The following SLC12A3 variants were observed in gnomAD, a reference collection of about 807,000 sequenced individuals.
SLC12A3 encodes the protein Na-Cl cotransporter.
SLC12A3 carries 104 observed loss-of-function variants against 121.0 expected under a neutral mutation model. That is an observed-to-expected ratio of 0.86 (90% confidence interval 0.73 to 1.01). The LOEUF is 1.01. Ranked by LOEUF, SLC12A3 falls within the 50% of genes least tolerant of loss-of-function variation. The pLI is 0.00. For missense variants in SLC12A3, 1,328 were observed against 1,356.3 expected, an observed-to-expected ratio of 0.98 and a Z score of 0.33; for synonymous variants, 536 against 533.4, an observed-to-expected ratio of 1.00 and a Z score of -0.07.
At position 56,893,090 on chromosome 16, in the gene SLC12A3, C is replaced by T. The variant is rs370858773; in HGVS notation, c.2521+36C>T. 30 of 1,538,690 alleles carry T rather than the reference C, an allele frequency of 1.9e-5. No homozygotes were observed. The East Asian group carries it at 4.1e-4, about 21-fold the overall frequency. On this transcript the variant is annotated intron_variant, in intron 21 of 25. Coordinates refer to ENST00000563236, the MANE Select transcript of SLC12A3 (RefSeq NM_001126108.2). ...CCCTTGGATCAGCCCTCCTGCCCGG[C>T]GGGGGCGGGGTGGTGGTGGTCTTCC...
At chr16:56,895,107 T>C (rs762014416) in intron 22 of SLC12A3, among the ~76,000 whole-genome samples, 7 of 151,202 alleles carry the variant, frequency 4.6e-5, no homozygotes, top group Non-Finnish European at 8.8e-5. Flanking sequence ...CCAAGGCAGC[T>C]GGATCCAGGA....
chr16:56,881,077 G>C (rs536940200), intron 12 of SLC12A3, among the ~76,000 whole-genome samples: 3 of 152,116 alleles, frequency 2.0e-5, no homozygotes. Context: ...CACCAAGCAC[G>C]GGCAGTGGCC....
At chr16:56,871,911 C>T (rs1053761306) in intron 6 of SLC12A3, among the ~76,000 whole-genome samples, 1 of 152,160 alleles carries the variant, frequency 6.6e-6, no homozygotes, top group Non-Finnish European at 1.5e-5. Flanking sequence ...TTAGTATAGA[C>T]GGGGTTTCAC....
chr16:56,910,048 CCT>C (rs1186645274), intron 25 of SLC12A3, among the ~76,000 whole-genome samples: 4 of 150,540 alleles, frequency 2.7e-5, no homozygotes, highest in South Asian at 2.1e-4. Context: ...GGTCCAGACA[CCT>C]CTTTTTTTTC....
At chr16:56,898,697 A>G (rs1237659144) in intron 22 of SLC12A3, among the ~76,000 whole-genome samples, 1 of 152,180 alleles carries the variant, frequency 6.6e-6, no homozygotes, top group Admixed American at 6.5e-5. Context: ...CCTGACTGCT[A>G]CAAACCACAG....
rs1211988197 is a variant in SLC12A3 at position 56,887,798 on chromosome 16, ATTTT to A, written c.2179-110_2179-107del. On this transcript the variant is annotated intron_variant, in intron 17 of 25. Coordinates refer to ENST00000563236, the MANE Select transcript of SLC12A3 (RefSeq NM_001126108.2). ...TATATATATATATATATATATATATATTTTTTTTTTTTTTTTTTTTGAGAATCAG... is the reference window on the plus strand; with the variant it reads ...TATATATATATATATATATATATATATTTTTTTTTTTTTTTTGAGAATCAG... 74 of 68,482 alleles carry A rather than the reference ATTTT, an allele frequency of 1.1e-3. 1 individual carries two copies. The highest frequency in any genetic ancestry group is 0.01 in the Middle Eastern group (1 of 98). The allele number at this position is 68,482 out of a possible 1,614,324, so 4.2% of individuals were successfully genotyped here. A position where few individuals can be genotyped will look rare whatever the true frequency, so the allele number is the denominator to read the frequency against.
chr16:56,881,475 G>A (rs1284237092), intron 12 of SLC12A3, among the ~76,000 whole-genome samples: 1 of 152,094 alleles, frequency 6.6e-6, no homozygotes, highest in African/African-American at 2.4e-5. Flanking sequence ...TTCAGACTGA[G>A]GACCATGATC....
chr16:56,865,517 G>A lies in SLC12A3; in HGVS notation c.282G>A (p.Lys94=), dbSNP rs1246260502. The change falls in exon 1 of 26, where the codon AAG becomes AAA. Residue 94 remains lysine (K), a splice_region_variant and synonymous_variant. Transcript: ENST00000563236. Reference sequence around the variant, plus strand: ...TGGCTGACCTGCACTCCTTCCTCAAGGTAAGTGCTGTCTCAGAAGACTGGC... The same window carrying A: ...TGGCTGACCTGCACTCCTTCCTCAAAGTAAGTGCTGTCTCAGAAGACTGGC... ...PTLADLHSFL[K]QEGRHLHALA... The A allele has an allele frequency of 1.2e-6, 2 of 1,611,336 alleles. No homozygotes were observed. Among genetic ancestry groups the A allele is most frequent in the Non-Finnish European group, 8.5e-7 (1 of 1,180,030 alleles).
intron 14 of SLC12A3, among the ~76,000 whole-genome samples, chr16:56,884,847 A>G (rs1596918400): frequency 6.6e-6 from 1 of 151,510 alleles, no homozygotes. Context: ...GCTCACTGCA[A>G]CCTCCACCTC....
At chr16:56,886,250 AG>A in intron 15 of SLC12A3, 113 bp from the exon 16 acceptor site, 1 of 728,278 alleles carries the variant, frequency 1.4e-6, no homozygotes, top group East Asian at 2.7e-5. Context: ...CCAAGCATGT[AG>A]GGTCATGCTG....
chr16:56,907,598 G>C (rs1233922428), intron 25 of SLC12A3, among the ~76,000 whole-genome samples: 1 of 152,188 alleles, frequency 6.6e-6, no homozygotes, highest in African/African-American at 2.4e-5. Flanking sequence ...CTAGAGGCTG[G>C]GAAGTCCTAG....
intron 1 of SLC12A3, among the ~76,000 whole-genome samples, chr16:56,865,894 G>A (rs1164479969): frequency 2.0e-5 from 3 of 152,172 alleles, no homozygotes; most frequent in African/African-American, 7.2e-5. Context: ...AGAGTGGAGG[G>A]CTGGAAGGTG....
In SLC12A3 at chr16:56,865,314, A is replaced by G. The variant is rs1964324934; in HGVS notation, c.79A>G (p.Ser27Gly). 1 of 1,614,032 alleles carries G rather than the reference A, an allele frequency of 6.2e-7. No individual in the cohort carries two copies. The highest frequency in any genetic ancestry group is 1.1e-5 in the South Asian group (1 of 91,086). ...SGRFTISTLL[S>G]SDEPSPPAAY... ...GCGCTTCACCATCAGCACACTGCTGAGCAGTGATGAGCCCTCTCCACCAGC... is the reference window on the plus strand; with the variant it reads ...GCGCTTCACCATCAGCACACTGCTGGGCAGTGATGAGCCCTCTCCACCAGC... Residue 27 changes from serine (S) to glycine (G), a missense_variant, in exon 1 of 26, where the codon AGC becomes GGC. Ser to Gly is a moderately conservative substitution (Grantham distance 56). Coordinates refer to ENST00000563236, the MANE Select transcript of SLC12A3 (RefSeq NM_001126108.2).
chr16:56,879,753 C>A (rs898053316), intron 11 of SLC12A3, 104 bp downstream of exon 11: 48 of 829,464 alleles, frequency 5.8e-5, no homozygotes, highest in Non-Finnish European at 8.8e-5. Context: ...CTGAAGGTGT[C>A]ATTAGACTGG....
At chr16:56,887,529 T>C (rs1239710748) in intron 17 of SLC12A3, among the ~76,000 whole-genome samples, 1 of 151,556 alleles carries the variant, frequency 6.6e-6, no homozygotes, top group Admixed American at 6.6e-5. Context: ...TTCTTATGTC[T>C]CCAGATGTGC....
In SLC12A3 at chr16:56,870,219, T is replaced by C. The variant is rs778593727; in HGVS notation, c.725T>C (p.Val242Ala). The C allele has an allele frequency of 4.3e-6, 7 of 1,613,418 alleles. No individual in the cohort carries two copies. The East Asian group carries it at 1.6e-4, about 36-fold the overall frequency. Reference protein sequence around the residue: ...AMHTVGFAETVRDLLQEYGAP... With the variant: ...AMHTVGFAETARDLLQEYGAP... ...CACACGGTGGGCTTTGCAGAGACCG[T>C]GCGGGACCTGCTCCAGGTGAGGCCG... Residue 242 changes from valine (V) to alanine (A), a missense_variant, in exon 5 of 26, where the codon GTG becomes GCG. By Grantham distance (64) the Val-to-Ala change is moderately conservative. Transcript: ENST00000563236.
intron 18 of SLC12A3, among the ~76,000 whole-genome samples, chr16:56,888,357 G>T (rs1375767888): frequency 1.3e-5 from 2 of 152,162 alleles, no homozygotes. Context: ...TCTGACCTGT[G>T]AGTCATGGAC....
Position 56,898,801 on chromosome 16 carries a change from C to T in SLC12A3, c.2634-729C>T, listed in dbSNP as rs2055499525. 2.6e-5 allele frequency among the ~76,000 whole-genome samples: 4 copies of T among 152,224 alleles called. No individual in the cohort carries two copies. In the South Asian group the frequency reaches 8.3e-4, roughly 31 times the overall value. On this transcript the variant is annotated intron_variant, in intron 22 of 25. Transcript: ENST00000563236. Reference sequence around the variant, plus strand: ...AGTTTCTTGTGGGTTATCTTCGCTTCCTCAGCCGCTCTAGAATTTCCTTTA... The same window carrying T: ...AGTTTCTTGTGGGTTATCTTCGCTTTCTCAGCCGCTCTAGAATTTCCTTTA...
chr16:56,903,745 C>T (rs766644298), intron 24 of SLC12A3, among the ~76,000 whole-genome samples: 1 of 144,826 alleles, frequency 6.9e-6, no homozygotes, highest in South Asian at 2.2e-4. Flanking sequence ...GAGTCTCCCA[C>T]CCCCAACCCA....
Sources: allele counts gnomAD v4.1 joint callset (sites outside exome capture counted in the v4.1 genomes callset), GRCh38; gene constraint gnomAD v4.1.1; transcripts MANE v1.5; gene names NCBI Gene and HGNC (gene_info 2026-07-23, HGNC 2026-07-21).